The following ZNF205 variants were observed in gnomAD, a reference collection of about 807,000 sequenced individuals.
ZNF205 encodes the protein transcriptional repressor RHIT.
A neutral mutation model predicts 53.6 loss-of-function variants in ZNF205; 32 were observed. That is an observed-to-expected ratio of 0.60 (90% CI 0.45 to 0.80). The LOEUF (loss-of-function observed/expected upper bound fraction) is 0.80. Ranked by LOEUF, ZNF205 falls within the 30% of genes least tolerant of loss-of-function variation. The probability of loss-of-function intolerance (pLI) is 0.00; values close to 1 mark genes in which losing one functional copy is unlikely to be tolerated. For synonymous variants in ZNF205, 382 were observed against 334.3 expected (o/e 1.14, Z -1.56); for missense variants, 836 against 782.4 (o/e 1.07, Z -0.82).
chr16:3,116,503 A>T lies in ZNF205; in HGVS notation c.440A>T (p.Asn147Ile), dbSNP rs1278031021. ...GGACGGCTGGACCACACGCAGCAGA[A>T]CTTCTACAGGGATGTCCTGCAGAAG... ...EWGRLDHTQQNFYRDVLQKKN... is the reference protein window; with the variant it reads ...EWGRLDHTQQIFYRDVLQKKN... The change falls in exon 5 of 7, where the codon AAC (asparagine) becomes ATC (isoleucine). Residue 147 changes from asparagine to isoleucine, a missense_variant. Physicochemically the swap from Asn to Ile is moderately radical, Grantham distance 149 (BLOSUM62 -3). Coordinates refer to ENST00000219091, the MANE Select transcript of ZNF205 (RefSeq NM_001042428.2). 6 of 1,613,940 alleles carry T rather than the reference A, an allele frequency of 3.7e-6. No homozygotes were observed. Among genetic ancestry groups the T allele is most frequent in the African/African-American group, 1.3e-5 (1 of 74,904 alleles).
rs1317757592 is a variant in ZNF205 at position 3,115,936 on chromosome 16, C to T, written c.363+16C>T. 1 of 1,608,986 alleles carries T rather than the reference C, an allele frequency of 6.2e-7. No individual in the cohort carries two copies. Among genetic ancestry groups the T allele is most frequent in the Admixed American group, 1.7e-5 (1 of 59,374 alleles). Reference sequence around the variant, plus strand: ...CTGGTCCCAGGTGAGTGGCCCTTCCCCGGCCCCTGCATGGTACTCAGCCCT... The same window carrying T: ...CTGGTCCCAGGTGAGTGGCCCTTCCTCGGCCCCTGCATGGTACTCAGCCCT... On this transcript the variant is annotated intron_variant, in intron 4 of 6. Transcript: ENST00000219091.
rs187609061 is a variant in ZNF205, at chr16:3,113,282, G to A, written c.-14-135G>A. ...TTGGGACCAGGGAGCGCTGGTACTC[G>A]TGGGGATTTTCAGGGCTCTTTGGGG... On this transcript the variant is annotated intron_variant, in intron 1 of 6. Transcript: ENST00000219091. 2,187 of 734,628 alleles carry A rather than the reference G, an allele frequency of 3.0e-3. 27 individuals carry two copies. Among genetic ancestry groups the A allele is most frequent in the South Asian group, 0.016 (932 of 59,462 alleles). 45.5% of individuals were successfully genotyped at this position (734,628 alleles called of 1,614,324 possible).
rs1567178958 is a variant in ZNF205, at chr16:3,120,061, C to CCG, written c.1403_1404dup (p.Thr469AlafsTer69). 1 of 1,609,940 alleles carries CCG rather than the reference C, an allele frequency of 6.2e-7. No individual in the cohort carries two copies. The highest frequency in any genetic ancestry group is 8.5e-7 in the Non-Finnish European group (1 of 1,178,654). The stretch of plus-strand genomic sequence containing the variant: ...AGCGTTCCAACCTCATCGCGCACAA[C>CCG]CGCACACACACAGGCGAGAAGCCCT... On this transcript the variant is annotated frameshift_variant, in exon 7 of 7. Transcript: ENST00000219091. LOFTEE classifies it high-confidence loss of function.
At chr16:3,119,216 G>C (rs771521441) in intron 6 of ZNF205, 40 bp from the exon 7 acceptor site, 9 of 1,543,122 alleles carry the variant, frequency 5.8e-6, no homozygotes, top group Non-Finnish European at 7.9e-6. Flanking sequence ...GGGTCCTTAG[G>C]GAAGCTCGTC....
At chr16:3,116,363 C>A in intron 4 of ZNF205, 64 bp from the exon 5 acceptor site, 1 of 1,596,334 alleles carries the variant, frequency 6.3e-7, no homozygotes, top group Non-Finnish European at 8.6e-7. Flanking sequence ...ACATCTCATG[C>A]CATGGTGTCC....
intron 5 of ZNF205, among the ~76,000 whole-genome samples, chr16:3,116,857 C>T (rs1051116034): frequency 4.6e-5 from 7 of 152,186 alleles, no homozygotes; most frequent in South Asian, 2.1e-4. Flanking sequence ...CACAGTGGCA[C>T]GATCTCGGCT....
rs763580031 is a variant in ZNF205 at position 3,119,007 on chromosome 16, C to T, written c.587C>T (p.Ala196Val). The T allele has an allele frequency of 1.9e-6, 3 of 1,613,090 alleles. No individual in the cohort carries two copies. In the African/African-American group the frequency reaches 4.0e-5, roughly 22 times the overall value. Reference sequence around the variant, plus strand: ...GGAGATGAGAAGGAGTGGAGAGGCGCGTGCACAGGTGAGGGACGGGCGCGC... The same window carrying T: ...GGAGATGAGAAGGAGTGGAGAGGCGTGTGCACAGGTGAGGGACGGGCGCGC... ...QAGDEKEWRG[A>V]CTGAVEVGQR... is the part of the protein sequence containing the mutation. The change falls in exon 6 of 7, where the codon GCG becomes GTG. Residue 196 changes from alanine (A) to valine (V), a missense_variant. By Grantham distance (64) the Ala-to-Val change is moderately conservative. Coordinates refer to ENST00000219091, the MANE Select transcript of ZNF205 (RefSeq NM_001042428.2).
In ZNF205 at chr16:3,120,013, C is replaced by G. The variant is rs368319158; in HGVS notation, c.1353C>G (p.Pro451=). 5.1e-5 allele frequency: 82 copies of G among 1,612,944 alleles called. No homozygotes were observed. Among genetic ancestry groups the G allele is most frequent in the Non-Finnish European group, 6.8e-5 (80 of 1,179,712 alleles). ...CTGGGGTCAAGCCCTATCCGTGCCC[C>G]GAGTGCGGCAAGTGCTTCAGCCAGC... ...THTGVKPYPC[P]ECGKCFSQRS... Residue 451 remains proline, a synonymous_variant, in exon 7 of 7, where the codon CCC becomes CCG. Transcript: ENST00000219091.
At position 3,112,651 on chromosome 16, in the gene ZNF205, C is replaced by G; in HGVS notation, c.-46C>G. 1 of 307,004 alleles carries G rather than the reference C, an allele frequency of 3.3e-6. No homozygotes were observed. The highest frequency in any genetic ancestry group is 6.6e-6 in the Non-Finnish European group (1 of 152,172). 19.0% of individuals were successfully genotyped at this position (307,004 alleles called of 1,614,324 possible). On this transcript the variant is annotated 5_prime_UTR_variant, in exon 1 of 7. Coordinates refer to ENST00000219091, the MANE Select transcript of ZNF205 (RefSeq NM_001042428.2). ...CCCTTCCCGGGGGAGGGGGCCCCCA[C>G]TGCCGCAGGTGCCCCCTCTGCCTCC...
chr16:3,115,298 T>C (rs899679140), intron 2 of ZNF205, 57 bp from the exon 3 acceptor site: 58 of 1,381,194 alleles, frequency 4.2e-5, no homozygotes, highest in Middle Eastern at 2.3e-4. Flanking sequence ...CGCACTGCCA[T>C]GTGGCCCTGG....
chr16:3,113,639 C>T, intron 2 of ZNF205, 152 bp downstream of exon 2: 1 of 796,870 alleles, frequency 1.3e-6, no homozygotes, highest in Non-Finnish European at 1.9e-6. Context: ...TACCCTCTGT[C>T]TGGAATTTAC....
rs137889671 is a variant in ZNF205, at chr16:3,113,462, C to G, written c.32C>G (p.Thr11Ser). 4 of 1,613,486 alleles carry G rather than the reference C, an allele frequency of 2.5e-6. No homozygotes were observed. Among genetic ancestry groups the G allele is most frequent in the Non-Finnish European group, 3.4e-6 (4 of 1,179,762 alleles). The change falls in exon 2 of 7, where the codon ACC (threonine) becomes AGC (serine). Residue 11 changes from threonine to serine, a missense_variant. Thr to Ser is a moderately conservative substitution (Grantham distance 58). Transcript: ENST00000219091. ...GCAGACGGCGGAGGCATCCAGGACA[C>G]CCAGGACAAGGAGACACCCCCGGAG... MSADGGGIQD[T>S]QDKETPPEVP...
rs770170050 is a variant in ZNF205 at position 3,119,859 on chromosome 16, G to A, written c.1199G>A (p.Arg400His). Residue 400 changes from arginine to histidine, a missense_variant, in exon 7 of 7, where the codon CGC becomes CAC. Coordinates refer to ENST00000219091, the MANE Select transcript of ZNF205 (RefSeq NM_001042428.2). ...TACGTGTGCGACCGCTGCGCCAAGCGCTTCACCCGCCGCTCGGACTTGGTC... is the reference window on the plus strand; with the variant it reads ...TACGTGTGCGACCGCTGCGCCAAGCACTTCACCCGCCGCTCGGACTTGGTC... ...KPYVCDRCAK[R>H]FTRRSDLVTH... 5 of 1,612,714 alleles carry A rather than the reference G, an allele frequency of 3.1e-6. No individual in the cohort carries two copies. The highest frequency in any genetic ancestry group is 4.2e-6 in the Non-Finnish European group (5 of 1,179,814).
At chr16:3,118,698 G>T (rs1383766452) in intron 5 of ZNF205, among the ~76,000 whole-genome samples, 1 of 152,170 alleles carries the variant, frequency 6.6e-6, no homozygotes, top group Admixed American at 6.5e-5. Context: ...CTCTTTCAGG[G>T]AAAGAGGAGA....
At chr16:3,113,229 G>T (rs1957292611) in intron 1 of ZNF205, 188 bp from the exon 2 acceptor site, 1 of 570,272 alleles carries the variant, frequency 1.8e-6, no homozygotes. Flanking sequence ...GGGACCATCG[G>T]ATAGGATCTG....
chr16:3,115,231 C>A, intron 2 of ZNF205, 124 bp from the exon 3 acceptor site: 1 of 726,764 alleles, frequency 1.4e-6, no homozygotes, highest in Non-Finnish European at 2.0e-6. Context: ...TGGATGAATG[C>A]AGCAAGGACA....
chr16:3,120,075 G>C lies in ZNF205; in HGVS notation c.1415G>C (p.Gly472Ala). ...ATCGCGCACAACCGCACACACACAG[G>C]CGAGAAGCCCTACCACTGCCTCGAC... Reference protein sequence around the residue: ...NLIAHNRTHTGEKPYHCLDCG... With the variant: ...NLIAHNRTHTAEKPYHCLDCG... The change falls in exon 7 of 7, where the codon GGC (glycine) becomes GCC (alanine). Residue 472 changes from glycine to alanine, a missense_variant. Physicochemically the swap from Gly to Ala is moderately conservative, Grantham distance 60. Transcript: ENST00000219091. 6.2e-7 allele frequency: 1 copy of C among 1,613,828 alleles called. No homozygotes were observed.
At chr16:3,113,295 G>A (rs1957293736) in intron 1 of ZNF205, 122 bp from the exon 2 acceptor site, 1 of 851,024 alleles carries the variant, frequency 1.2e-6, no homozygotes, top group Non-Finnish European at 1.9e-6. Context: ...GGGATTTTCA[G>A]GGCTCTTTGG....
intron 2 of ZNF205, among the ~76,000 whole-genome samples, chr16:3,114,014 A>T (rs1445879533): frequency 6.6e-6 from 1 of 152,136 alleles, no homozygotes; most frequent in Non-Finnish European, 1.5e-5. Context: ...CAGATGTGTC[A>T]TCTGTAAAAT....
Sources: gnomAD v4.1 joint callset for allele counts (sites outside exome capture counted in the v4.1 genomes callset) on GRCh38, gnomAD v4.1.1 for gene constraint, MANE v1.5 for transcripts, NCBI Gene and HGNC (gene_info 2026-07-23, HGNC 2026-07-21) for gene names.